Variants in PIGU observed in about 807,000 individuals in gnomAD.
The protein encoded by PIGU is GPI-anchor transamidase component PIGU.
PIGU carries 24 observed loss-of-function variants against 49.9 expected under a neutral mutation model. That is an observed-to-expected ratio of 0.48 (90% CI 0.35 to 0.68). PIGU has a LOEUF of 0.68. Ranked by LOEUF, PIGU falls within the 30% of genes least tolerant of loss-of-function variation. The pLI, the probability that PIGU is intolerant of heterozygous loss-of-function variation, is 0.01. For synonymous variants in PIGU, 220 were observed against 205.7 expected, an observed-to-expected ratio of 1.07 and a Z score of -0.59; for missense variants, 490 against 532.6, an observed-to-expected ratio of 0.92 and a Z score of 0.79.
At chr20:34,644,312 T>C (rs1048148243) in intron 3 of PIGU, 86 bp from the exon 4 acceptor site, 3 of 1,103,200 alleles carry the variant, frequency 2.7e-6, no homozygotes, top group Non-Finnish European at 4.1e-6. Context: ...AGTTTTGAGA[T>C]AGTGATGGAC....
intron 9 of PIGU, among the ~76,000 whole-genome samples, chr20:34,582,073 G>A (rs1039712211): frequency 5.3e-5 from 8 of 152,164 alleles, no homozygotes; most frequent in Non-Finnish European, 1.0e-4. Flanking sequence ...AGGCCCCTCT[G>A]ACAATTGGAC....
At chr20:34,600,363 T>C (rs1268524434) in intron 7 of PIGU, among the ~76,000 whole-genome samples, 2 of 150,696 alleles carry the variant, frequency 1.3e-5, no homozygotes, top group Non-Finnish European at 3.0e-5. Flanking sequence ...GCCGAGATCA[T>C]GCCATTGCAC....
chr20:34,612,893 G>A (rs1984874479), intron 7 of PIGU, among the ~76,000 whole-genome samples: 1 of 152,070 alleles, frequency 6.6e-6, no homozygotes, highest in South Asian at 2.1e-4. Flanking sequence ...AAAGTACTGA[G>A]ATTACAGGTG....
intron 4 of PIGU, among the ~76,000 whole-genome samples, chr20:34,643,255 AT>A (rs1986227539): frequency 6.6e-6 from 1 of 152,104 alleles, no homozygotes; most frequent in African/African-American, 2.4e-5. Context: ...CACACATATA[AT>A]TCTCCATACC....
intron 7 of PIGU, among the ~76,000 whole-genome samples, chr20:34,603,526 G>A (rs1226139722): frequency 6.6e-6 from 1 of 151,928 alleles, no homozygotes; most frequent in Non-Finnish European, 1.5e-5. Context: ...ATGAGTGCCT[G>A]GATTTAAATA....
At chr20:34,621,556 G>A (rs533801778) in intron 6 of PIGU, among the ~76,000 whole-genome samples, 24 of 152,280 alleles carry the variant, frequency 1.6e-4, no homozygotes, top group African/African-American at 5.8e-4. Context: ...GGTGTGGACA[G>A]GGCGGACGCA....
chr20:34,634,151 AG>A lies in PIGU; in HGVS notation c.529+463del, dbSNP rs532786602. 6.6e-5 allele frequency among the ~76,000 whole-genome samples: 10 copies of A among 152,200 alleles called. No individual in the cohort carries two copies. In the South Asian group the frequency reaches 1.7e-3, roughly 25 times the overall value. On this transcript the variant is annotated intron_variant, in intron 6 of 11. Transcript: ENST00000217446. ...CAGTGGCATGATCACAGCTCACTGC[AG>A]CCTCAAACTTGCAAGCTCAAGCAAT...
intron 1 of PIGU, among the ~76,000 whole-genome samples, chr20:34,667,990 G>T (rs184765449): frequency 6.6e-6 from 1 of 151,920 alleles, no homozygotes; most frequent in East Asian, 1.9e-4. Context: ...TCATCTCAGG[G>T]GTATTCTTCC....
intron 7 of PIGU, among the ~76,000 whole-genome samples, chr20:34,609,718 C>G (rs1230418178): frequency 2.6e-5 from 4 of 152,128 alleles, no homozygotes. Context: ...CTACACTGAT[C>G]TTCAAATACC....
At chr20:34,616,673 G>T (rs549618597) in intron 6 of PIGU, among the ~76,000 whole-genome samples, 33 of 152,034 alleles carry the variant, frequency 2.2e-4, no homozygotes, top group African/African-American at 8.0e-4. Flanking sequence ...ATATAAAATG[G>T]ACTACTATGG....
chr20:34,588,445 T>C lies in PIGU; in HGVS notation c.782+8A>G, dbSNP rs1983790650. ...CTTCTAGAATTTTCTAACGTGGTCA[T>C]TACTTACATAAAGCCATAGACTGCG... On this transcript the variant is annotated splice_region_variant and intron_variant, in intron 8 of 11. Coordinates refer to ENST00000217446, the MANE Select transcript of PIGU (RefSeq NM_080476.5). The C allele has an allele frequency of 5.6e-6, 9 of 1,610,604 alleles. No individual in the cohort carries two copies. The highest frequency in any genetic ancestry group is 7.6e-6 in the Non-Finnish European group (9 of 1,178,310).
intron 1 of PIGU, among the ~76,000 whole-genome samples, chr20:34,667,597 T>C (rs541984766): frequency 2.0e-5 from 3 of 152,040 alleles, no homozygotes; most frequent in Admixed American, 2.0e-4. Context: ...GAGTCCAGAG[T>C]ATAAAATATC....
intron 6 of PIGU, 132 bp downstream of exon 6, chr20:34,634,483 T>A (rs1308043090): frequency 5.3e-6 from 7 of 1,333,276 alleles, no homozygotes; most frequent in Non-Finnish European, 6.8e-6. Flanking sequence ...AATCTTGTAT[T>A]ACTTGTGTAA....
At chr20:34,563,565 A>C (rs535601991) in intron 11 of PIGU, among the ~76,000 whole-genome samples, 1 of 151,560 alleles carries the variant, frequency 6.6e-6, no homozygotes, top group East Asian at 2.0e-4. Context: ...AAGTAATAAT[A>C]AAAAATAAAG....
rs548107506 is a variant in PIGU, at chr20:34,641,741, T to C, written c.318+2423A>G. 2.6e-5 allele frequency among the ~76,000 whole-genome samples: 4 copies of C among 152,180 alleles called. No homozygotes were observed. The East Asian group carries it at 7.7e-4, about 29-fold the overall frequency. On this transcript the variant is annotated intron_variant, in intron 4 of 11. Coordinates refer to ENST00000217446, the MANE Select transcript of PIGU (RefSeq NM_080476.5). ...CCAGACTATGCGATATGAACCCTTC[T>C]GACAAAGGGAAGAAGATTTAGAGGA... is the stretch of plus-strand genomic sequence containing the variant.
At chr20:34,635,830 A>T (rs930404344) in intron 5 of PIGU, among the ~76,000 whole-genome samples, 2 of 151,606 alleles carry the variant, frequency 1.3e-5, no homozygotes, top group Non-Finnish European at 2.9e-5. Flanking sequence ...AACCGAGATG[A>T]CGCCATTGCA....
At chr20:34,657,130 G>T in intron 2 of PIGU, 50 bp downstream of exon 2, 1 of 1,387,014 alleles carries the variant, frequency 7.2e-7, no homozygotes, top group Non-Finnish European at 1.0e-6. Flanking sequence ...TTTGGTATCT[G>T]TGACTGTAAA....
intron 6 of PIGU, among the ~76,000 whole-genome samples, chr20:34,631,908 T>C (rs1985795375): frequency 6.8e-6 from 1 of 147,228 alleles, no homozygotes; most frequent in Admixed American, 6.9e-5. Flanking sequence ...GTCACTATCT[T>C]GGCTCAATGT....
intron 1 of PIGU, among the ~76,000 whole-genome samples, chr20:34,667,383 A>G (rs1987135896): frequency 1.3e-5 from 2 of 152,166 alleles, no homozygotes; most frequent in Admixed American, 1.3e-4. Context: ...AAAAGGAGCC[A>G]GGGCCCTTGA....
Sources: allele counts gnomAD v4.1 joint callset (sites outside exome capture counted in the v4.1 genomes callset), GRCh38; gene constraint gnomAD v4.1.1; transcripts MANE v1.5; gene names NCBI Gene and HGNC (gene_info 2026-07-23, HGNC 2026-07-21).